The following PIAS1 variants were observed in gnomAD, a reference collection of about 807,000 sequenced individuals.
The protein encoded by PIAS1 is protein inhibitor of activated STAT 1.
In PIAS1, 6 loss-of-function variants were observed where a neutral mutation model predicts 71.3. The ratio of observed to expected loss-of-function variants is 0.08; its 90% CI spans 0.05 to 0.17. The LOEUF is 0.17. Ranked by LOEUF, PIAS1 falls within the 10% of genes least tolerant of loss-of-function variation. PIAS1 has a pLI of 1.00. For missense variants in PIAS1, 555 were observed against 793.6 expected (o/e 0.70, Z 3.61); for synonymous variants, 303 against 292.9 (o/e 1.03, Z -0.35).
chr15:68,173,851 C>A lies in PIAS1; in HGVS notation c.1128C>A (p.Val376=), dbSNP rs752000436. ...AAAAACCAACCTGGGTTTGTCCTGT[C>A]TGTGATAAGAAGGCTCCATATGAAC... ...NEKKPTWVCP[V]CDKKAPYEHL... The change falls in exon 9 of 14, where the codon GTC becomes GTA. Residue 376 remains valine (V), a synonymous_variant. Transcript: ENST00000249636. The surrounding 1 kb of genome is among the most constrained non-coding windows in gnomAD (Gnocchi z 4.3). The A allele has an allele frequency of 1.3e-5, 20 of 1,590,064 alleles. No homozygotes were observed. Among genetic ancestry groups the A allele is most frequent in the Non-Finnish European group, 1.5e-5 (17 of 1,163,562 alleles).
intron 1 of PIAS1, among the ~76,000 whole-genome samples, chr15:68,080,728 A>G (rs1345151623): frequency 3.9e-5 from 6 of 152,252 alleles, no homozygotes; most frequent in African/African-American, 9.6e-5. Flanking sequence ...ATTTGTGATT[A>G]TGCATTTGCT....
intron 2 of PIAS1, among the ~76,000 whole-genome samples, chr15:68,096,865 G>T (rs1485191551): frequency 6.6e-6 from 1 of 152,134 alleles, no homozygotes; most frequent in African/African-American, 2.4e-5. Context: ...TGTGAACAGA[G>T]ATTAATTTTA....
Position 68,056,290 on chromosome 15 carries a change from T to A in PIAS1, c.24+1940T>A, listed in dbSNP as rs2091895315. ...TCTTGATGCTGTCCAAAGAAACTAG[T>A]ATGGAAAGCACATGCTGAGAGATTT... On this transcript the variant is annotated intron_variant, in intron 1 of 13. Coordinates refer to ENST00000249636, the MANE Select transcript of PIAS1 (RefSeq NM_016166.3). 3.3e-5 allele frequency among the ~76,000 whole-genome samples: 5 copies of A among 152,236 alleles called. No individual in the cohort carries two copies. In the South Asian group the frequency reaches 1.0e-3, roughly 32 times the overall value.
chr15:68,147,113 C>T (rs1185011568), intron 6 of PIAS1, among the ~76,000 whole-genome samples: 1 of 152,140 alleles, frequency 6.6e-6, no homozygotes, highest in Admixed American at 6.5e-5. Flanking sequence ...ATGATAATTT[C>T]CTTAGGGTAA....
chr15:68,056,190 T>G (rs1282529290), intron 1 of PIAS1, among the ~76,000 whole-genome samples: 1 of 152,272 alleles, frequency 6.6e-6, no homozygotes, highest in Admixed American at 6.5e-5. Flanking sequence ...GGAGTTCTTT[T>G]GAATGATAGC....
intron 1 of PIAS1, chr15:68,057,428 GT>G (rs934492983): frequency 3.4e-4 from 135 of 400,124 alleles, no homozygotes; most frequent in African/African-American, 2.7e-3. Flanking sequence ...AAAAATATGT[GT>G]TTTTTTGGAG....
intron 2 of PIAS1, among the ~76,000 whole-genome samples, chr15:68,136,417 C>T (rs1442373049): frequency 2.5e-5 from 1 of 39,802 alleles, no homozygotes; most frequent in African/African-American, 5.2e-5. Flanking sequence ...CCGGCCAACA[C>T]AGCGAAACCC....
chr15:68,094,662 G>A (rs899156923), intron 2 of PIAS1, among the ~76,000 whole-genome samples: 1 of 152,094 alleles, frequency 6.6e-6, no homozygotes, highest in Non-Finnish European at 1.5e-5. Context: ...ATTCAAGGAC[G>A]CAGGCTCTGA....
At chr15:68,068,243 TGCCTGTG>T (rs886452625) in intron 1 of PIAS1, among the ~76,000 whole-genome samples, 1 of 152,068 alleles carries the variant, frequency 6.6e-6, no homozygotes, top group African/African-American at 2.4e-5. Context: ...CTGAGGCATG[TGCCTGTG>T]GCCCAGCTAC....
chr15:68,176,608 A>T lies in PIAS1; in HGVS notation c.1435A>T (p.Arg479Trp), dbSNP rs1251562978. The change falls in exon 11 of 14, where the codon AGG (arginine) becomes TGG (tryptophan). Residue 479 changes from arginine to tryptophan, a missense_variant. This residue lies in a region of PIAS1 where 244 missense variants were observed against 307.5 expected (regional missense o/e 0.79). Transcript: ENST00000249636. ...DEEEEEPSAK[R>W]TCPSLSPTSP... Reference sequence around the variant, plus strand: ...AGAGGAAGAAGAGCCATCTGCCAAGAGGACCTGTCCTTCCCTATCTCCCAC... The same window carrying T: ...AGAGGAAGAAGAGCCATCTGCCAAGTGGACCTGTCCTTCCCTATCTCCCAC... 6 of 1,612,070 alleles carry T rather than the reference A, an allele frequency of 3.7e-6. No individual in the cohort carries two copies. Among genetic ancestry groups the T allele is most frequent in the Non-Finnish European group, 5.1e-6 (6 of 1,179,088 alleles).
At chr15:68,070,289 G>A (rs1483025921) in intron 1 of PIAS1, among the ~76,000 whole-genome samples, 1 of 152,188 alleles carries the variant, frequency 6.6e-6, no homozygotes, top group African/African-American at 2.4e-5. Context: ...TAATGGATAG[G>A]GCATGACAAC....
intron 6 of PIAS1, among the ~76,000 whole-genome samples, chr15:68,151,898 G>A (rs1227310128): frequency 6.9e-6 from 1 of 144,562 alleles, no homozygotes; most frequent in Non-Finnish European, 1.5e-5. Context: ...GCTTGTCAAT[G>A]CTATATCAGA....
intron 2 of PIAS1, among the ~76,000 whole-genome samples, chr15:68,089,169 G>A (rs547138891): frequency 2.0e-5 from 3 of 152,272 alleles, no homozygotes; most frequent in South Asian, 2.1e-4. Flanking sequence ...AACTAAAATG[G>A]AAGACAGTAG....
intron 2 of PIAS1, among the ~76,000 whole-genome samples, chr15:68,134,972 C>T (rs1466934941): frequency 2.6e-5 from 1 of 37,864 alleles, no homozygotes; most frequent in African/African-American, 5.8e-5. Context: ...GGGGGGCTAA[C>T]CCCCCCCACC....
chr15:68,166,575 C>T (rs2092959096), intron 8 of PIAS1, among the ~76,000 whole-genome samples: 1 of 152,106 alleles, frequency 6.6e-6, no homozygotes, highest in Admixed American at 6.6e-5. Context: ...AAAGTACATA[C>T]ACTTCATTTT....
chr15:68,167,182 A>T lies in PIAS1; in HGVS notation c.1008+2378A>T, dbSNP rs1169955223. On this transcript the variant is annotated intron_variant, in intron 8 of 13. Transcript: ENST00000249636. This position sits in a 1 kb window ranked among gnomAD's most constrained non-coding sequence, Gnocchi z 4.4. ...TCAGATTATAAAACAAAACAACTATATATGTATATTGTGTGTGTGTGTGTG... is the reference window on the plus strand; with the variant it reads ...TCAGATTATAAAACAAAACAACTATTTATGTATATTGTGTGTGTGTGTGTG... Among the ~76,000 whole-genome samples, 1 of 131,300 alleles carries T rather than the reference A, an allele frequency of 7.6e-6. No individual in the cohort carries two copies. The highest frequency in any genetic ancestry group is 2.9e-5 in the African/African-American group (1 of 34,940). 86.1% of individuals were successfully genotyped at this position (131,300 alleles called of 152,430 possible).
At chr15:68,108,089 A>C (rs2092488128) in intron 2 of PIAS1, among the ~76,000 whole-genome samples, 1 of 152,158 alleles carries the variant, frequency 6.6e-6, no homozygotes, top group Non-Finnish European at 1.5e-5. Context: ...AATGAACATC[A>C]CCATAATCTT....
At chr15:68,151,153 A>G (rs1293290624) in intron 6 of PIAS1, among the ~76,000 whole-genome samples, 4 of 151,880 alleles carry the variant, frequency 2.6e-5, no homozygotes, top group African/African-American at 7.2e-5. Context: ...CTAGAAAAGA[A>G]TCTCTGTCAC....
At chr15:68,162,464 G>A (rs934630927) in intron 7 of PIAS1, among the ~76,000 whole-genome samples, 2 of 152,082 alleles carry the variant, frequency 1.3e-5, no homozygotes, top group Non-Finnish European at 2.9e-5. Flanking sequence ...AGGGGAAGGA[G>A]AGGAAGAGAG....
Sources: gnomAD v4.1 joint callset for allele counts (sites outside exome capture counted in the v4.1 genomes callset) on GRCh38, gnomAD v4.1.1 for gene constraint, gnomAD v4.1.1 regional missense constraint, Gnocchi (gnomAD v3.1) non-coding constraint, MANE v1.5 for transcripts, NCBI Gene and HGNC (gene_info 2026-07-23, HGNC 2026-07-21) for gene names.